ERI3: variants seen among roughly 807,000 people sequenced by gnomAD.
The protein encoded by ERI3 is ERI1 exoribonuclease family member 3.
ERI3 carries 18 observed loss-of-function variants against 44.4 expected under a neutral mutation model. The observed-to-expected ratio is 0.41, with a 90% CI of 0.28 to 0.60. The LOEUF is 0.60. ERI3 is among the 20% of genes least tolerant of loss of function. ERI3 has a pLI of 0.36. For synonymous variants in ERI3, 183 were observed against 164.8 expected (o/e 1.11, Z -0.84); for missense variants, 294 against 435.5 (o/e 0.68, Z 2.89).
intron 7 of ERI3, among the ~76,000 whole-genome samples, chr1:44,265,364 C>T (rs1340833451): frequency 6.6e-6 from 1 of 152,218 alleles, no homozygotes; most frequent in Non-Finnish European, 1.5e-5. Context: ...GGGGCTAAAA[C>T]AGGTCCCAAC....
At chr1:44,295,079 CAGA>C (rs1406013574) in intron 6 of ERI3, among the ~76,000 whole-genome samples, 3 of 152,210 alleles carry the variant, frequency 2.0e-5, no homozygotes, top group African/African-American at 7.2e-5. Flanking sequence ...TTGTCCTATA[CAGA>C]GTAAGACTTC....
chr1:44,234,049 T>C (rs1193034472), intron 8 of ERI3, among the ~76,000 whole-genome samples: 1 of 152,162 alleles, frequency 6.6e-6, no homozygotes, highest in African/African-American at 2.4e-5. Context: ...CAATTCTCCT[T>C]GGTTCCTTTG....
At chr1:44,338,289 C>T (rs1346480086) in intron 3 of ERI3, among the ~76,000 whole-genome samples, 1 of 152,218 alleles carries the variant, frequency 6.6e-6, no homozygotes, top group Non-Finnish European at 1.5e-5. Flanking sequence ...TTGAGAGTGG[C>T]TTAGCTGGCT....
intron 7 of ERI3, among the ~76,000 whole-genome samples, chr1:44,257,353 C>T (rs1243260666): frequency 6.6e-6 from 1 of 151,882 alleles, no homozygotes; most frequent in Non-Finnish European, 1.5e-5. Context: ...GATCAGGACC[C>T]GATCAGGAGA....
At chr1:44,244,443 A>G (rs1402037882) in intron 8 of ERI3, among the ~76,000 whole-genome samples, 3 of 152,130 alleles carry the variant, frequency 2.0e-5, no homozygotes, top group African/African-American at 7.2e-5. Flanking sequence ...GGCCAAGCCC[A>G]CAACTCCATT....
rs371849189 is a variant in ERI3, at chr1:44,308,357, G to A, written c.711C>T (p.Asn237=). 4.2e-5 allele frequency: 67 copies of A among 1,614,130 alleles called. No individual in the cohort carries two copies. The African/African-American group carries it at 7.2e-4, about 17-fold the overall frequency. ...CACAGGTGACAAAAATTGACTTGAC[G>A]TTTGGATCTAAGAGGCCTTCCTTCG... is the stretch of plus-strand genomic sequence containing the variant. ...WMAKEGLLDP[N]VKSIFVTCGD... The change falls in exon 6 of 9, where the codon AAC becomes AAT. Residue 237 remains asparagine, a synonymous_variant. Coordinates refer to ENST00000372257, the MANE Select transcript of ERI3 (RefSeq NM_024066.3).
At chr1:44,244,668 A>G (rs1644516004) in intron 8 of ERI3, among the ~76,000 whole-genome samples, 1 of 151,640 alleles carries the variant, frequency 6.6e-6, no homozygotes, top group South Asian at 2.1e-4. Context: ...GTCTCTCCTC[A>G]CTAGTCCTTC....
chr1:44,350,363 G>A (rs1313424664), intron 2 of ERI3, among the ~76,000 whole-genome samples: 2 of 151,964 alleles, frequency 1.3e-5, no homozygotes, highest in Non-Finnish European at 2.9e-5. Flanking sequence ...CCAGGTTCAA[G>A]TGATTCTCAT....
intron 7 of ERI3, among the ~76,000 whole-genome samples, chr1:44,256,161 T>G (rs930504678): frequency 1.3e-5 from 2 of 152,084 alleles, no homozygotes; most frequent in Admixed American, 6.5e-5. Context: ...GACACCTCTT[T>G]GGGTATAATT....
chr1:44,277,216 C>G (rs1240225990), intron 7 of ERI3, among the ~76,000 whole-genome samples: 1 of 152,200 alleles, frequency 6.6e-6, no homozygotes, highest in African/African-American at 2.4e-5. Flanking sequence ...TCCCTCCTGT[C>G]ACAATAGAAG....
In ERI3 at chr1:44,304,689, A is replaced by G. The variant is rs577284371; in HGVS notation, c.758+3621T>C. ...TCTTCAGTGGTCTTGACCGCTTGAC[A>G]GCAGCCTCGAAGAAACCTCAGTAGC... On this transcript the variant is annotated intron_variant, in intron 6 of 8. Transcript: ENST00000372257. Among the ~76,000 whole-genome samples the G allele has an allele frequency of 2.6e-5, 4 of 152,278 alleles. No individual in the cohort carries two copies. The East Asian group carries it at 7.7e-4, about 29-fold the overall frequency.
intron 2 of ERI3, 115 bp downstream of exon 2, chr1:44,352,735 T>C (rs563317503): frequency 3.9e-5 from 43 of 1,100,094 alleles, no homozygotes; most frequent in Non-Finnish European, 5.5e-5. Flanking sequence ...CGTTTAGACT[T>C]TGGGGATACA....
At chr1:44,254,135 C>G (rs1451683652) in intron 7 of ERI3, among the ~76,000 whole-genome samples, 1 of 152,168 alleles carries the variant, frequency 6.6e-6, no homozygotes, top group Admixed American at 6.5e-5. Flanking sequence ...TCCAAATCAT[C>G]ATCACTCTGG....
At chr1:44,285,256 A>G (rs1645369833) in intron 6 of ERI3, among the ~76,000 whole-genome samples, 1 of 152,256 alleles carries the variant, frequency 6.6e-6, no homozygotes. Context: ...TACATTTTAC[A>G]GACGAGAAAA....
chr1:44,270,073 A>ACT (rs1645060368), intron 7 of ERI3, among the ~76,000 whole-genome samples: 1 of 152,092 alleles, frequency 6.6e-6, no homozygotes, highest in Non-Finnish European at 1.5e-5. Context: ...GAAGGAAGTT[A>ACT]CCCTGTCTTT....
At chr1:44,319,894 G>C in intron 3 of ERI3, 150 bp from the exon 4 acceptor site, 1 of 638,334 alleles carries the variant, frequency 1.6e-6, no homozygotes, top group South Asian at 1.8e-5. Context: ...AAGATTGAGT[G>C]AGACGGCACC....
chr1:44,308,268 G>C (rs375750681), intron 6 of ERI3, 42 bp downstream of exon 6: 4 of 1,452,942 alleles, frequency 2.8e-6, no homozygotes, highest in Non-Finnish European at 3.9e-6. Flanking sequence ...TGGTCCCACA[G>C]ATTCCAAGCC....
At chr1:44,289,119 T>C (rs1470939724) in intron 6 of ERI3, among the ~76,000 whole-genome samples, 1 of 152,178 alleles carries the variant, frequency 6.6e-6, no homozygotes, top group East Asian at 1.9e-4. Flanking sequence ...CCCTTCTTTA[T>C]GAGGGCCGGA....
At chr1:44,254,606 T>C (rs1644745498) in intron 7 of ERI3, among the ~76,000 whole-genome samples, 1 of 152,076 alleles carries the variant, frequency 6.6e-6, no homozygotes, top group Non-Finnish European at 1.5e-5. Context: ...AAAAAGTCAT[T>C]CTTATATACA....
Sources: gnomAD v4.1 joint callset for allele counts (sites outside exome capture counted in the v4.1 genomes callset) on GRCh38, gnomAD v4.1.1 for gene constraint, MANE v1.5 for transcripts, NCBI Gene and HGNC (gene_info 2026-07-23, HGNC 2026-07-21) for gene names.